The following KLHL4 variants were observed in gnomAD, a reference collection of about 807,000 sequenced individuals.
The protein encoded by KLHL4 is kelch-like protein 4.
KLHL4 carries 17 observed loss-of-function variants against 45.8 expected under a neutral mutation model. The ratio of observed to expected loss-of-function variants is 0.37; its 90% confidence interval spans 0.25 to 0.56. The LOEUF (loss-of-function observed/expected upper bound fraction) is 0.56. Ranked by LOEUF, KLHL4 falls within the 20% of genes least tolerant of loss-of-function variation. The pLI is 0.79. For missense variants in KLHL4, 544 were observed against 544.9 expected (o/e 1.00, Z 0.02); for synonymous variants, 224 against 189.9 (o/e 1.18, Z -1.47).
Position 87,578,636 on chromosome X carries a change from C to T in KLHL4, c.423-35241C>T, listed in dbSNP as rs757626195. Reference sequence around the variant, plus strand: ...CAATATTAATTTATCTGCATTAGCCCCTTCTTAAGCCAGAGCAGCTCAGCA... The same window carrying T: ...CAATATTAATTTATCTGCATTAGCCTCTTCTTAAGCCAGAGCAGCTCAGCA... On this transcript the variant is annotated intron_variant, in intron 1 of 10. Coordinates refer to ENST00000373119, the MANE Select transcript of KLHL4 (RefSeq NM_019117.5). Among the ~76,000 whole-genome samples the T allele has an allele frequency of 6.6e-4, 74 of 112,351 alleles. No homozygotes were observed. In the Middle Eastern group the frequency reaches 0.023, roughly 35 times the overall value.
At chrX:87,526,257 G>A (rs1426878957) in intron 1 of KLHL4, among the ~76,000 whole-genome samples, 1 of 112,186 alleles carries the variant, frequency 8.9e-6, no homozygotes, top group Non-Finnish European at 1.9e-5. Context: ...ATGTTGCAAC[G>A]TGCCAAAATT....
At chrX:87,525,413 A>G (rs1931088501) in intron 1 of KLHL4, among the ~76,000 whole-genome samples, 1 of 111,612 alleles carries the variant, frequency 9.0e-6, no homozygotes, top group Admixed American at 9.6e-5. Context: ...AAAAATTTTT[A>G]TCATCTTCCT....
Position 87,617,972 on chromosome X carries a change from G to A in KLHL4, c.768G>A (p.Leu256=). Residue 256 remains leucine, a synonymous_variant, in exon 4 of 11, where the codon CTG becomes CTA. Coordinates refer to ENST00000373119, the MANE Select transcript of KLHL4 (RefSeq NM_019117.5). ...AAGAAGATACCATTGAAAGTTTGCTGGCTGCAGCTTGTCTTCTGCAGCTGA... is the reference window on the plus strand; with the variant it reads ...AAGAAGATACCATTGAAAGTTTGCTAGCTGCAGCTTGTCTTCTGCAGCTGA... ...QLKEDTIESL[L]AAACLLQLTQ... is the part of the protein sequence containing the mutation. The A allele has an allele frequency of 8.3e-7, 1 of 1,209,915 alleles. No homozygotes were observed.
chrX:87,584,857 CA>C (rs35181676), intron 1 of KLHL4, among the ~76,000 whole-genome samples: 22,171 of 76,563 alleles, frequency 0.29, 2,527 homozygotes, highest in Admixed American at 0.52. Context: ...TATCCGTATC[CA>C]AAAAAAAAAA....
chrX:87,591,819 G>A lies in KLHL4; in HGVS notation c.423-22058G>A, dbSNP rs147295062. Among the ~76,000 whole-genome samples the A allele has an allele frequency of 6.8e-3, 754 of 111,666 alleles. 15 individuals are homozygous for A. Among genetic ancestry groups the A allele is most frequent in the East Asian group, 0.054 (192 of 3,550 alleles). On this transcript the variant is annotated intron_variant, in intron 1 of 10. Coordinates refer to ENST00000373119, the MANE Select transcript of KLHL4 (RefSeq NM_019117.5). ...TAATAATTACACTGGAATAAATGGGGTATTAATCTCAAACATTTATCAATT... is the reference window on the plus strand; with the variant it reads ...TAATAATTACACTGGAATAAATGGGATATTAATCTCAAACATTTATCAATT...
chrX:87,518,753 C>T (rs1187999742), intron 1 of KLHL4, among the ~76,000 whole-genome samples: 1 of 111,756 alleles, frequency 8.9e-6, no homozygotes, highest in Admixed American at 9.6e-5. Context: ...TATCTGTTTC[C>T]TTAGTACATA....
chrX:87,643,294 T>TA (rs1216100994), intron 9 of KLHL4, among the ~76,000 whole-genome samples: 1 of 110,540 alleles, frequency 9.0e-6, no homozygotes, highest in African/African-American at 3.3e-5. Context: ...TCACATAAAC[T>TA]AAAAAACCTA....
Position 87,664,812 on chromosome X carries a change from T to C in KLHL4, c.1974T>C (p.Val658=). The change falls in exon 10 of 11, where the codon GTT becomes GTC. Residue 658 remains valine (V), a synonymous_variant. Transcript: ENST00000373119. ...DSWSTVAPLS[V]PRDAVAVCPL... ...GGTCAACTGTGGCACCTCTGAGTGT[T>C]CCTCGAGATGCTGTTGCTGTGTGCC... The C allele has an allele frequency of 8.3e-7, 1 of 1,204,768 alleles. No individual in the cohort carries two copies. Among genetic ancestry groups the C allele is most frequent in the South Asian group, 1.8e-5 (1 of 56,574 alleles).
intron 1 of KLHL4, among the ~76,000 whole-genome samples, chrX:87,556,799 A>C (rs1931988563): frequency 9.0e-6 from 1 of 111,506 alleles, no homozygotes. Context: ...TGGCAGAGTA[A>C]GTTTTCTCTT....
intron 1 of KLHL4, among the ~76,000 whole-genome samples, chrX:87,567,659 A>G (rs1452345463): frequency 8.9e-6 from 1 of 112,310 alleles, no homozygotes; most frequent in Non-Finnish European, 1.9e-5. Context: ...TTGCAGCAAC[A>G]TAGATGCAGC....
intron 1 of KLHL4, among the ~76,000 whole-genome samples, chrX:87,569,962 T>C (rs1365190640): frequency 9.0e-6 from 1 of 111,345 alleles, no homozygotes; most frequent in Non-Finnish European, 1.9e-5. Flanking sequence ...TTTATAATGG[T>C]TAAAGTGCTG....
At chrX:87,660,642 T>C (rs1016606750) in intron 9 of KLHL4, among the ~76,000 whole-genome samples, 16 of 111,748 alleles carry the variant, frequency 1.4e-4, no homozygotes, top group African/African-American at 4.6e-4. Flanking sequence ...GCCAGGAGAT[T>C]GAGACCAGCC....
chrX:87,600,950 C>G (rs1921998532), intron 1 of KLHL4, among the ~76,000 whole-genome samples: 1 of 111,859 alleles, frequency 8.9e-6, no homozygotes, highest in Admixed American at 9.5e-5. Flanking sequence ...TAAGAAACGT[C>G]TATTCCTTGC....
At chrX:87,629,347 T>C (rs1923029983) in intron 6 of KLHL4, among the ~76,000 whole-genome samples, 1 of 111,529 alleles carries the variant, frequency 9.0e-6, no homozygotes, top group African/African-American at 3.3e-5. Flanking sequence ...CTAGAGAATA[T>C]ACATTTTGAT....
Position 87,635,632 on chromosome X carries a change from T to C in KLHL4, c.1782T>C (p.Thr594=), listed in dbSNP as rs1214692929. The C allele has an allele frequency of 4.1e-6, 5 of 1,208,470 alleles. No homozygotes were observed. The highest frequency in any genetic ancestry group is 1.7e-5 in the African/African-American group (1 of 57,199). ...LKSMEYFDPH[T]NKWSLCAPMS... is the part of the protein sequence containing the mutation. ...CAATGGAATACTTTGACCCACACAC[T>C]AACAAGTGGAGTTTGTGTGCTCCAA... Residue 594 remains threonine, a synonymous_variant, in exon 9 of 11, where the codon ACT becomes ACC. Transcript: ENST00000373119.
chrX:87,614,006 G>A lies in KLHL4; in HGVS notation c.552G>A (p.Val184=). ...NYLKEKQLCD[V]LLIAGHLRIP... is the part of the protein sequence containing the mutation. Reference sequence around the variant, plus strand: ...TGAAAGAGAAACAACTATGTGATGTGCTACTGATTGCAGGACACCTCCGCA... The same window carrying A: ...TGAAAGAGAAACAACTATGTGATGTACTACTGATTGCAGGACACCTCCGCA... Residue 184 remains valine, a synonymous_variant, in exon 2 of 11, where the codon GTG becomes GTA. Coordinates refer to ENST00000373119, the MANE Select transcript of KLHL4 (RefSeq NM_019117.5). 4 of 1,207,381 alleles carry A rather than the reference G, an allele frequency of 3.3e-6. No individual in the cohort carries two copies. Among genetic ancestry groups the A allele is most frequent in the Non-Finnish European group, 4.5e-6 (4 of 893,227 alleles).
intron 1 of KLHL4, among the ~76,000 whole-genome samples, chrX:87,603,362 C>T (rs751123138): frequency 3.8e-4 from 42 of 111,054 alleles, no homozygotes; most frequent in African/African-American, 9.8e-4. Flanking sequence ...TATAGAATTA[C>T]ACCACAATTT....
intron 9 of KLHL4, among the ~76,000 whole-genome samples, chrX:87,661,292 G>T (rs1924178997): frequency 9.0e-6 from 1 of 111,407 alleles, no homozygotes; most frequent in African/African-American, 3.3e-5. Flanking sequence ...GTATCTAAAT[G>T]TATGAAACTA....
At position 87,603,197 on chromosome X, in the gene KLHL4, C is replaced by T. The variant is rs17325927; in HGVS notation, c.423-10680C>T. On this transcript the variant is annotated intron_variant, in intron 1 of 10. Coordinates refer to ENST00000373119, the MANE Select transcript of KLHL4 (RefSeq NM_019117.5). Reference sequence around the variant, plus strand: ...ATACATAAATCTTAGCATTTGCATGCGTTTTAACTGAATTTTTGTTAAAGA... The same window carrying T: ...ATACATAAATCTTAGCATTTGCATGTGTTTTAACTGAATTTTTGTTAAAGA... Among the ~76,000 whole-genome samples the T allele has an allele frequency of 4.4e-4, 49 of 111,615 alleles. 1 individual carries two copies. In the East Asian group the frequency reaches 9.3e-3, roughly 21 times the overall value.
Sources: gnomAD v4.1 joint callset for allele counts (sites outside exome capture counted in the v4.1 genomes callset) on GRCh38, gnomAD v4.1.1 for gene constraint, MANE v1.5 for transcripts, NCBI Gene and HGNC (gene_info 2026-07-23, HGNC 2026-07-21) for gene names.